Variants in MRTFA observed in about 807,000 individuals in gnomAD.
The protein encoded by MRTFA is myocardin related transcription factor A, also known as myocardin-related transcription factor A.
Under a neutral mutation model 83.5 loss-of-function variants are expected in MRTFA, and 20 were observed. The ratio of observed to expected loss-of-function variants is 0.24; its 90% confidence interval spans 0.17 to 0.35. The LOEUF is 0.35. MRTFA is among the 10% of genes least tolerant of loss of function. MRTFA has a pLI of 1.00. For synonymous variants in MRTFA, 659 were observed against 541.2 expected (o/e 1.22, Z -3.02); for missense variants, 1,200 against 1,224.7 (o/e 0.98, Z 0.30).
chr22:40,620,234 T>G (rs766490563), intron 1 of MRTFA, among the ~76,000 whole-genome samples: 4 of 151,512 alleles, frequency 2.6e-5, no homozygotes, highest in Non-Finnish European at 4.4e-5. Context: ...CAAGTGATTC[T>G]CCTACTCAGC....
chr22:40,579,366 T>A (rs962370862), intron 2 of MRTFA, among the ~76,000 whole-genome samples: 1 of 152,214 alleles, frequency 6.6e-6, no homozygotes. Context: ...TAATTTACAC[T>A]TTCTTATTAT....
At chr22:40,519,370 G>C in intron 3 of MRTFA, 1 of 1,256,852 alleles carries the variant, frequency 8.0e-7, no homozygotes, top group South Asian at 1.3e-5. Context: ...TCAAACCTTG[G>C]AGGGTTTTGT....
At chr22:40,443,162 G>T (rs1416039379) in intron 4 of MRTFA, among the ~76,000 whole-genome samples, 2 of 152,042 alleles carry the variant, frequency 1.3e-5, no homozygotes, top group Non-Finnish European at 2.9e-5. Flanking sequence ...TGAGGCAGGA[G>T]AATTGCTTGA....
At chr22:40,522,109 T>TCCCAAA (rs1222600396) in intron 3 of MRTFA, 2 of 152,256 alleles carry the variant, frequency 1.3e-5, no homozygotes, top group East Asian at 3.8e-4. Context: ...CACCTCGGCC[T>TCCCAAA]CCCAAAGTGT....
rs117321164 is a variant in MRTFA at position 40,462,106 on chromosome 22, G to A, written c.307+1115C>T. 7.5e-3 allele frequency among the ~76,000 whole-genome samples: 1,144 copies of A among 152,138 alleles called. 41 individuals carry two copies. The East Asian group carries it at 0.08, about 11-fold the overall frequency. On this transcript the variant is annotated intron_variant, in intron 4 of 14. Transcript: ENST00000355630. ...GAGGCCTTTCTTGAACATCTTATTCGAAGTGACTCCATCTTATTCCTATTA... is the reference window on the plus strand; with the variant it reads ...GAGGCCTTTCTTGAACATCTTATTCAAAGTGACTCCATCTTATTCCTATTA...
chr22:40,572,930 T>C (rs184258102), intron 2 of MRTFA, among the ~76,000 whole-genome samples: 19 of 152,266 alleles, frequency 1.2e-4, no homozygotes, highest in Admixed American at 1.0e-3. Flanking sequence ...AGATGAGACT[T>C]GGGTGGCGAC....
chr22:40,550,618 G>A (rs1029016829), intron 3 of MRTFA, among the ~76,000 whole-genome samples: 28 of 152,140 alleles, frequency 1.8e-4, no homozygotes, highest in African/African-American at 6.0e-4. Flanking sequence ...ACAAATTACT[G>A]AAGAACACAT....
chr22:40,507,632 T>C (rs956043205), intron 3 of MRTFA, among the ~76,000 whole-genome samples: 2 of 150,130 alleles, frequency 1.3e-5, no homozygotes, highest in African/African-American at 4.9e-5. Context: ...AAAAAAAAAA[T>C]TGTCCTAGAT....
chr22:40,419,815 G>C (rs936517386), intron 11 of MRTFA, among the ~76,000 whole-genome samples: 3 of 152,214 alleles, frequency 2.0e-5, no homozygotes, highest in Admixed American at 2.0e-4. Context: ...ATGGGGCAGA[G>C]AAAACACGCA....
At chr22:40,451,954 G>T (rs1048236750) in intron 4 of MRTFA, among the ~76,000 whole-genome samples, 2 of 144,832 alleles carry the variant, frequency 1.4e-5, no homozygotes, top group African/African-American at 5.2e-5. Flanking sequence ...CATCCCACCT[G>T]GCTGAAGTTT....
At chr22:40,609,929 G>T (rs940079243) in intron 1 of MRTFA, among the ~76,000 whole-genome samples, 4 of 152,052 alleles carry the variant, frequency 2.6e-5, no homozygotes, top group Admixed American at 2.0e-4. Flanking sequence ...ATTCTAGCTT[G>T]AGCGTAAGTA....
rs199724138 is a variant in MRTFA at position 40,579,860 on chromosome 22, C to CAA, written c.-22+14812_-22+14813dup. 6.2e-4 allele frequency among the ~76,000 whole-genome samples: 72 copies of CAA among 115,512 alleles called. 1 individual carries two copies. In the East Asian group the frequency reaches 0.013, roughly 21 times the overall value. The allele number at this position is 115,512 out of a possible 152,430, so 75.8% of individuals were successfully genotyped here. ...GGGCAACAAGAGCGAAACTCCATCTCAAAAAAAAAAAAAAGACACAAATGC... is the reference window on the plus strand; with the variant it reads ...GGGCAACAAGAGCGAAACTCCATCTCAAAAAAAAAAAAAAAAGACACAAATGC... On this transcript the variant is annotated intron_variant, in intron 2 of 14. Transcript: ENST00000355630.
At chr22:40,559,472 T>G (rs1361168404) in intron 2 of MRTFA, among the ~76,000 whole-genome samples, 1 of 152,066 alleles carries the variant, frequency 6.6e-6, no homozygotes, top group Non-Finnish European at 1.5e-5. Context: ...CAAGCTAGAG[T>G]GCAATGGAAT....
intron 4 of MRTFA, among the ~76,000 whole-genome samples, chr22:40,446,924 G>T (rs2053389296): frequency 1.3e-5 from 2 of 152,202 alleles, no homozygotes; most frequent in South Asian, 2.1e-4. Context: ...ATACTTAATT[G>T]AAGAAAGATA....
rs556051473 is a variant in MRTFA at position 40,509,982 on chromosome 22, T to TA, written c.241+42123dup. 2.0e-3 allele frequency among the ~76,000 whole-genome samples: 216 copies of TA among 108,096 alleles called. 1 individual carries two copies. Among genetic ancestry groups the TA allele is most frequent in the Middle Eastern group, 5.9e-3 (1 of 170 alleles). The allele number at this position is 108,096 out of a possible 152,430, so 70.9% of individuals were successfully genotyped here. A position where few individuals can be genotyped will look rare whatever the true frequency, so the allele number is the denominator to read the frequency against. ...ATCAAGAAACAGCAGCCAAGTACTT[T>TA]AAAAAAAAAAAAAAAGTGAAGTTAA... is the stretch of plus-strand genomic sequence containing the variant. On this transcript the variant is annotated intron_variant, in intron 3 of 14. Coordinates refer to ENST00000355630, the MANE Select transcript of MRTFA (RefSeq NM_020831.6).
At position 40,423,742 on chromosome 22, in the gene MRTFA, C is replaced by T. The variant is rs546211806; in HGVS notation, c.778-57G>A. 2.7e-5 allele frequency: 39 copies of T among 1,429,792 alleles called. No individual in the cohort carries two copies. The South Asian group carries it at 5.3e-4, about 19-fold the overall frequency. 88.6% of individuals were successfully genotyped at this position (1,429,792 alleles called of 1,614,324 possible). Reference sequence around the variant, plus strand: ...CCACCTCCAGGTAGGGTGTGCCCAGCCTGCCCTGACCCTACACAGGGTCCT... The same window carrying T: ...CCACCTCCAGGTAGGGTGTGCCCAGTCTGCCCTGACCCTACACAGGGTCCT... On this transcript the variant is annotated intron_variant, in intron 8 of 14. Transcript: ENST00000355630.
intron 6 of MRTFA, among the ~76,000 whole-genome samples, chr22:40,430,585 G>A (rs1035744661): frequency 5.3e-5 from 8 of 151,778 alleles, no homozygotes; most frequent in African/African-American, 1.2e-4. Flanking sequence ...ACAGCTATGC[G>A]CAGTGGCTCA....
intron 4 of MRTFA, among the ~76,000 whole-genome samples, chr22:40,442,691 T>C (rs145429626): frequency 1.3e-5 from 2 of 152,020 alleles, no homozygotes; most frequent in Non-Finnish European, 2.9e-5. Flanking sequence ...AGTAAAACAG[T>C]AGTGGTAATT....
At chr22:40,418,250 G>A (rs2052730435) in intron 12 of MRTFA, 124 bp downstream of exon 12, 19 of 1,487,162 alleles carry the variant, frequency 1.3e-5, no homozygotes, top group Non-Finnish European at 1.6e-5. Flanking sequence ...CCTGGTGAAG[G>A]AAGATTAAAT....
Sources: allele counts gnomAD v4.1 joint callset (sites outside exome capture counted in the v4.1 genomes callset), GRCh38; gene constraint gnomAD v4.1.1; transcripts MANE v1.5; gene names NCBI Gene and HGNC (gene_info 2026-07-23, HGNC 2026-07-21).